Variants in TTC23L observed in about 807,000 individuals in gnomAD.
The protein encoded by TTC23L is tetratricopeptide repeat protein 23-like.
Under a neutral mutation model 48.1 loss-of-function variants are expected in TTC23L, and 42 were observed. The observed-to-expected ratio is 0.87, with a 90% CI of 0.68 to 1.13. The LOEUF is 1.13. Among genes scored for constraint, TTC23L ranks in the 50% most tolerant of loss-of-function variants. The probability of loss-of-function intolerance (pLI) is 0.00; values close to 1 mark genes in which losing one functional copy is unlikely to be tolerated. For synonymous variants in TTC23L, 159 were observed against 157.2 expected (o/e 1.01, Z -0.09); for missense variants, 391 against 421.0 (o/e 0.93, Z 0.62).
At position 34,885,199 on chromosome 5, in the gene TTC23L, A is replaced by G. The variant is rs1344722233; in HGVS notation, c.1077+4891A>G. On this transcript the variant is annotated intron_variant, in intron 9 of 10. Coordinates refer to ENST00000505624, the Ensembl canonical transcript of TTC23L. ...TAGCCTAGACCTTTTAAAAATGTCA[A>G]TGTTATGAAAGACCAAAAGGGCAGG... 2.6e-5 allele frequency among the ~76,000 whole-genome samples: 4 copies of G among 152,364 alleles called. No homozygotes were observed. In the East Asian group the frequency reaches 7.7e-4, roughly 29 times the overall value.
chr5:34,902,213 C>T (rs150751158), downstream of TTC23L, among the ~76,000 whole-genome samples: 281 of 152,194 alleles, frequency 1.8e-3, no homozygotes, highest in African/African-American at 6.1e-3. Flanking sequence ...CACCTGAGGT[C>T]ACGAGTTCCA....
chr5:34,860,019 A>AT (rs909885926), intron 4 of TTC23L, among the ~76,000 whole-genome samples: 16 of 147,538 alleles, frequency 1.1e-4, no homozygotes, highest in African/African-American at 2.2e-4. Context: ...AATTTTTTGT[A>AT]TTTTTTTTTA....
intron 6 of TTC23L, among the ~76,000 whole-genome samples, chr5:34,864,955 T>C (rs1244377440): frequency 6.6e-6 from 1 of 152,164 alleles, no homozygotes; most frequent in East Asian, 1.9e-4. Context: ...ATTTTTGTCA[T>C]GACATGTGAC....
the TTC23L span, chr5:34,909,478 T>C: frequency 1.6e-6 from 1 of 607,956 alleles, no homozygotes; most frequent in Non-Finnish European, 2.9e-6. Context: ...TGTACACAAA[T>C]GCTTATAACA....
At chr5:34,914,668 C>T in the TTC23L span, 2 of 1,609,696 alleles carry the variant, frequency 1.2e-6, no homozygotes, top group Non-Finnish European at 1.7e-6. Flanking sequence ...ATCTATGGCA[C>T]AGGCTTAAAG....
chr5:34,888,695 G>C (rs145902966), intron 9 of TTC23L, among the ~76,000 whole-genome samples: 1 of 152,248 alleles, frequency 6.6e-6, no homozygotes, highest in African/African-American at 2.4e-5. Context: ...TCCTATACTT[G>C]GGGAAATTAG....
At chr5:34,866,612 C>G (rs567615202) in intron 6 of TTC23L, among the ~76,000 whole-genome samples, 1 of 151,600 alleles carries the variant, frequency 6.6e-6, no homozygotes, top group Non-Finnish European at 1.5e-5. Context: ...ATTATCCCAT[C>G]TTGTGAATTC....
At chr5:34,851,051 T>C (rs555553878) in intron 4 of TTC23L, among the ~76,000 whole-genome samples, 81 of 152,320 alleles carry the variant, frequency 5.3e-4, no homozygotes, top group Middle Eastern at 6.8e-3. Context: ...TGTGCTCATA[T>C]ATGCTTTAAA....
At chr5:34,893,993 A>C (rs1763039844) in intron 9 of TTC23L, among the ~76,000 whole-genome samples, 1 of 152,208 alleles carries the variant, frequency 6.6e-6, no homozygotes, top group Admixed American at 6.5e-5. Flanking sequence ...GTAATGAAAA[A>C]TACAGGCAAG....
chr5:34,874,918 A>G (rs913855806), intron 8 of TTC23L, among the ~76,000 whole-genome samples: 3 of 152,220 alleles, frequency 2.0e-5, no homozygotes, highest in African/African-American at 7.2e-5. Context: ...AAAGATTTTC[A>G]GAGTGATCAA....
downstream of TTC23L, among the ~76,000 whole-genome samples, chr5:34,901,630 C>T (rs549678078): frequency 3.3e-5 from 5 of 152,200 alleles, no homozygotes; most frequent in East Asian, 9.7e-4. Flanking sequence ...GGTGTGGTGG[C>T]GCATGCCTGT....
At chr5:34,914,053 A>C in the TTC23L span, 1 of 455,710 alleles carries the variant, frequency 2.2e-6, no homozygotes, top group East Asian at 7.0e-5. Flanking sequence ...ACCGTGTCTT[A>C]TTTACCTCTC....
chr5:34,908,211 T>C, the TTC23L span: 3 of 150,768 alleles, frequency 2.0e-5, no homozygotes, highest in African/African-American at 7.3e-5. Context: ...TTTGCTCTTA[T>C]TGCCTAGGCT....
intron 4 of TTC23L, among the ~76,000 whole-genome samples, chr5:34,855,833 A>T (rs1760084521): frequency 6.6e-6 from 1 of 152,184 alleles, no homozygotes. Flanking sequence ...ATTTTTATAT[A>T]AAAAACACCA....
At chr5:34,857,998 C>T (rs1760263918) in intron 4 of TTC23L, among the ~76,000 whole-genome samples, 1 of 152,142 alleles carries the variant, frequency 6.6e-6, no homozygotes, top group African/African-American at 2.4e-5. Context: ...TTTCTCTGGC[C>T]TGAGTCAGTG....
At chr5:34,849,376 A>C (rs1012251142) in intron 3 of TTC23L, among the ~76,000 whole-genome samples, 6 of 152,240 alleles carry the variant, frequency 3.9e-5, no homozygotes, top group African/African-American at 1.4e-4. Context: ...TACTAATATA[A>C]AGGCAGAACA....
the TTC23L span, chr5:34,915,388 T>C: frequency 4.0e-6 from 1 of 248,080 alleles, no homozygotes; most frequent in Admixed American, 5.1e-5. Flanking sequence ...CTTACTAGTC[T>C]CGGGGTCCCC....
chr5:34,892,436 TCTAA>T (rs1169525251), intron 9 of TTC23L, among the ~76,000 whole-genome samples: 5 of 152,212 alleles, frequency 3.3e-5, no homozygotes, highest in Admixed American at 6.5e-5. Flanking sequence ...GGTTGGTTAG[TCTAA>T]CTTTTACCTA....
intron 8 of TTC23L, among the ~76,000 whole-genome samples, chr5:34,877,672 C>T (rs975173840): frequency 6.6e-6 from 1 of 152,142 alleles, no homozygotes; most frequent in Non-Finnish European, 1.5e-5. Flanking sequence ...GATCCACCCA[C>T]CTCGGCCTCC....
Sources: allele counts gnomAD v4.1 joint callset (sites outside exome capture counted in the v4.1 genomes callset), GRCh38; gene constraint gnomAD v4.1.1; transcripts MANE v1.5; gene names NCBI Gene and HGNC (gene_info 2026-07-23, HGNC 2026-07-21).